The following ZNF777 variants were observed in gnomAD, a reference collection of about 807,000 sequenced individuals.
ZNF777 encodes the protein zinc finger protein 777.
In ZNF777, 7 loss-of-function variants were observed where a neutral mutation model predicts 72.1. That is an observed-to-expected ratio of 0.10 (90% CI 0.06 to 0.18). The LOEUF is 0.18. Ranked by LOEUF, ZNF777 falls within the 10% of genes least tolerant of loss-of-function variation. The pLI, the probability that ZNF777 is intolerant of heterozygous loss-of-function variation, is 1.00. For synonymous variants in ZNF777, 545 were observed against 483.5 expected (o/e 1.13, Z -1.67); for missense variants, 828 against 1,128.6 (o/e 0.73, Z 3.82).
At chr7:149,456,997 G>C (rs528978410) in intron 1 of ZNF777, among the ~76,000 whole-genome samples, 2 of 152,310 alleles carry the variant, frequency 1.3e-5, no homozygotes, top group South Asian at 4.1e-4. Context: ...GGTGGTCTGG[G>C]TTCCACCCTG....
chr7:149,434,420 G>A (rs149893456), intron 5 of ZNF777, among the ~76,000 whole-genome samples: 14 of 152,286 alleles, frequency 9.2e-5, no homozygotes, highest in African/African-American at 1.4e-4. Context: ...TCCTTGGAGC[G>A]TGATGCCTAA....
rs201407206 is a variant in ZNF777, at chr7:149,455,385, G to A, written c.638C>T (p.Thr213Met). The A allele has an allele frequency of 1.6e-4, 257 of 1,614,012 alleles. No homozygotes were observed. Among genetic ancestry groups the A allele is most frequent in the Non-Finnish European group, 2.0e-4 (238 of 1,180,044 alleles). ...GGCTATCTTCTTTTCATTTGTCCCC[G>A]TCCTGCCTTCCAGGGTCAGTAGCCT... ...AMRLLTLEGR[T>M]GTNEKKIADC... is the part of the protein sequence containing the mutation. The change falls in exon 2 of 6, where the codon ACG becomes ATG. Residue 213 changes from threonine to methionine, a missense_variant. Thr to Met is a moderately conservative substitution (Grantham distance 81, BLOSUM62 -1). This residue lies in a region of ZNF777 where 76 missense variants were observed against 157.3 expected (regional missense o/e 0.48). Transcript: ENST00000247930. This position sits in a 1 kb window ranked among gnomAD's most constrained non-coding sequence, Gnocchi z 4.2.
rs914307151 is a variant in ZNF777, at chr7:149,431,711, C to T, written c.*65G>A. On this transcript the variant is annotated 3_prime_UTR_variant, in exon 6 of 6. Transcript: ENST00000247930. ...CCGCCCCCGCCCGCTGGGCTCGGGC[C>T]TGGCGGTGTCCGAGGGGGGGCACGG... The T allele has an allele frequency of 3.3e-6, 4 of 1,211,520 alleles. No homozygotes were observed. The African/African-American group carries it at 6.8e-5, about 20-fold the overall frequency. 75.0% of individuals were successfully genotyped at this position (1,211,520 alleles called of 1,614,324 possible). A position where few individuals can be genotyped will look rare whatever the true frequency, so the allele number is the denominator to read the frequency against.
intron 1 of ZNF777, chr7:149,459,829 G>C (rs1799911084): frequency 2.0e-5 from 20 of 984,834 alleles, no homozygotes; most frequent in Non-Finnish European, 2.3e-5. Flanking sequence ...GACGCAGCGC[G>C]GGCCCCGCAG....
chr7:149,437,060 C>T (rs1220007532), intron 4 of ZNF777, among the ~76,000 whole-genome samples: 1 of 152,060 alleles, frequency 6.6e-6, no homozygotes, highest in Non-Finnish European at 1.5e-5. Flanking sequence ...GTTTGTTTTC[C>T]ATGAGCTCCA....
At chr7:149,437,537 A>C (rs1357621119) in intron 4 of ZNF777, among the ~76,000 whole-genome samples, 1 of 152,208 alleles carries the variant, frequency 6.6e-6, no homozygotes, top group Non-Finnish European at 1.5e-5. Flanking sequence ...CACTGCCCTG[A>C]AATTTGTTTC....
At chr7:149,435,651 A>G (rs1334693772) in intron 5 of ZNF777, among the ~76,000 whole-genome samples, 1 of 152,238 alleles carries the variant, frequency 6.6e-6, no homozygotes, top group East Asian at 1.9e-4. Flanking sequence ...TGAAAATACA[A>G]TACAAACGTA....
chr7:149,449,657 T>C (rs1006475264), intron 4 of ZNF777, among the ~76,000 whole-genome samples: 1 of 152,190 alleles, frequency 6.6e-6, no homozygotes, highest in Admixed American at 6.5e-5. Context: ...CTACTTGACC[T>C]TTGCTTTTGG....
chr7:149,432,514 C>T lies in ZNF777; in HGVS notation c.1758G>A (p.Lys586=), dbSNP rs1291760832. The T allele has an allele frequency of 2.5e-6, 4 of 1,613,896 alleles. No homozygotes were observed. The South Asian group carries it at 4.4e-5, about 18-fold the overall frequency. ...TGCGCTGGTGCAGCGTGAGCTGTTG[C>T]TTGTGCCGGAAGCTGATCTCGCATT... ...CAECEISFRH[K]QQLTLHQRIH... is the part of the protein sequence containing the mutation. The change falls in exon 6 of 6, where the codon AAG becomes AAA. Residue 586 remains lysine, a synonymous_variant. Coordinates refer to ENST00000247930, the MANE Select transcript of ZNF777 (RefSeq NM_015694.3).
At position 149,436,495 on chromosome 7, in the gene ZNF777, C is replaced by CCA. The variant is rs2116572236; in HGVS notation, c.1339+78_1339+79dup. 3 of 1,492,976 alleles carry CCA rather than the reference C, an allele frequency of 2.0e-6. No individual in the cohort carries two copies. Among genetic ancestry groups the CCA allele is most frequent in the Non-Finnish European group, 2.7e-6 (3 of 1,118,706 alleles). 92.5% of individuals were successfully genotyped at this position (1,492,976 alleles called of 1,614,324 possible). A position where few individuals can be genotyped will look rare whatever the true frequency, so the allele number is the denominator to read the frequency against. On this transcript the variant is annotated intron_variant, in intron 5 of 5. Transcript: ENST00000247930. The surrounding 1 kb of genome is among the most constrained non-coding windows in gnomAD (Gnocchi z 5.0). ...GTGTCCAGCTACCTCTCTGAAGGAA[C>CCA]CACAGCTTTCCCAGGGGGCAGGGGC... is the stretch of plus-strand genomic sequence containing the variant.
At chr7:149,453,749 C>T (rs989279224) in intron 3 of ZNF777, among the ~76,000 whole-genome samples, 29 of 152,172 alleles carry the variant, frequency 1.9e-4, no homozygotes, top group Middle Eastern at 3.2e-3. Flanking sequence ...AGCACACTTT[C>T]CTTTCATTCT....
chr7:149,460,167 G>A lies in ZNF777; in HGVS notation c.-16+648C>T, dbSNP rs1799920634. ...GCCATGGCCCTGCGCTGTCCGGCCC[G>A]GGCCCCCGGAGTCGCCGCCGCTACT... On this transcript the variant is annotated intron_variant, in intron 1 of 5. Transcript: ENST00000247930. The surrounding 1 kb of genome is among the most constrained non-coding windows in gnomAD (Gnocchi z 6.1). 1 of 944,172 alleles carries A rather than the reference G, an allele frequency of 1.1e-6. No individual in the cohort carries two copies. The highest frequency in any genetic ancestry group is 1.3e-6 in the Non-Finnish European group (1 of 795,092). 58.5% of individuals were successfully genotyped at this position (944,172 alleles called of 1,614,324 possible).
At position 149,431,740 on chromosome 7, in the gene ZNF777, G is replaced by A; in HGVS notation, c.*36C>T. 1 of 1,364,656 alleles carries A rather than the reference G, an allele frequency of 7.3e-7. No individual in the cohort carries two copies. The highest frequency in any genetic ancestry group is 9.4e-7 in the Non-Finnish European group (1 of 1,065,264). 84.5% of individuals were successfully genotyped at this position (1,364,656 alleles called of 1,614,324 possible). The stretch of plus-strand genomic sequence containing the variant: ...CGGTGTCCGAGGGGGGGCACGGCCC[G>A]CGCACCTGGCCGGGCGGCGGCGGCG... On this transcript the variant is annotated 3_prime_UTR_variant, in exon 6 of 6. Coordinates refer to ENST00000247930, the MANE Select transcript of ZNF777 (RefSeq NM_015694.3).
At chr7:149,456,962 C>T (rs1307625635) in intron 1 of ZNF777, among the ~76,000 whole-genome samples, 1 of 152,164 alleles carries the variant, frequency 6.6e-6, no homozygotes, top group Non-Finnish European at 1.5e-5. Context: ...GAGTGGGCAG[C>T]AGTCCATTGC....
At position 149,431,754 on chromosome 7, in the gene ZNF777, G is replaced by A; in HGVS notation, c.*22C>T. The A allele has an allele frequency of 1.4e-6, 2 of 1,392,228 alleles. No homozygotes were observed. Among genetic ancestry groups the A allele is most frequent in the Non-Finnish European group, 9.3e-7 (1 of 1,077,356 alleles). 86.2% of individuals were successfully genotyped at this position (1,392,228 alleles called of 1,614,324 possible). A position where few individuals can be genotyped will look rare whatever the true frequency, so the allele number is the denominator to read the frequency against. ...GGGCACGGCCCGCGCACCTGGCCGG[G>A]CGGCGGCGGCGGGGCGCGCGCTCAC... On this transcript the variant is annotated 3_prime_UTR_variant, in exon 6 of 6. Transcript: ENST00000247930.
In ZNF777 at chr7:149,460,305, G is replaced by C. The variant is rs1306104320; in HGVS notation, c.-16+510C>G. ...GCCGGGGCTCGCGCGCGGCCGTCGG[G>C]CCCCGGCCTGCTCGGGGCGCGCGGG... On this transcript the variant is annotated intron_variant, in intron 1 of 5. Coordinates refer to ENST00000247930, the MANE Select transcript of ZNF777 (RefSeq NM_015694.3). This position sits in a 1 kb window ranked among gnomAD's most constrained non-coding sequence, Gnocchi z 6.1. Among the ~76,000 whole-genome samples the C allele has an allele frequency of 2.1e-5, 3 of 145,886 alleles. No homozygotes were observed. Among genetic ancestry groups the C allele is most frequent in the Non-Finnish European group, 4.6e-5 (3 of 65,700 alleles).
chr7:149,458,783 G>C (rs973077173), intron 1 of ZNF777, among the ~76,000 whole-genome samples: 2 of 152,210 alleles, frequency 1.3e-5, no homozygotes, highest in Admixed American at 6.5e-5. Context: ...ACCCTAAGCA[G>C]AAAGAAATGA....
At chr7:149,440,665 G>GT (rs199888410) in intron 4 of ZNF777, among the ~76,000 whole-genome samples, 1,038 of 88,332 alleles carry the variant, frequency 0.012, 48 homozygotes, top group African/African-American at 0.047. Context: ...GCAGCCTGTT[G>GT]TTTTTTTGTT....
intron 1 of ZNF777, among the ~76,000 whole-genome samples, chr7:149,458,308 C>G (rs971561047): frequency 1.3e-5 from 2 of 152,102 alleles, no homozygotes; most frequent in Non-Finnish European, 2.9e-5. Flanking sequence ...GTGAAGGAAG[C>G]GCTGGGGGCC....
Sources: allele counts gnomAD v4.1 joint callset (sites outside exome capture counted in the v4.1 genomes callset), GRCh38; gene constraint gnomAD v4.1.1; regional missense constraint gnomAD v4.1.1; non-coding constraint Gnocchi (gnomAD v3.1); transcripts MANE v1.5; gene names NCBI Gene and HGNC (gene_info 2026-07-23, HGNC 2026-07-21).